CTNND2: variants seen among roughly 807,000 people sequenced by gnomAD.
The protein encoded by CTNND2 is catenin delta 2.
In CTNND2, 22 loss-of-function variants were observed where a neutral mutation model predicts 144.4. The observed-to-expected ratio is 0.15, with a 90% CI of 0.11 to 0.22. CTNND2 has a LOEUF of 0.22. CTNND2 is among the 10% of genes least tolerant of loss of function. CTNND2 has a pLI of 1.00. For missense variants in CTNND2, 1,353 were observed against 1,618.8 expected, an observed-to-expected ratio of 0.84 and a Z score of 2.82; for synonymous variants, 751 against 695.6, an observed-to-expected ratio of 1.08 and a Z score of -1.25.
chr5:11,204,673 T>C (rs1245111440), intron 10 of CTNND2, among the ~76,000 whole-genome samples: 1 of 152,198 alleles, frequency 6.6e-6, no homozygotes, highest in African/African-American at 2.4e-5. Context: ...ATGAGTAATT[T>C]ATAGCATATT....
intron 9 of CTNND2, among the ~76,000 whole-genome samples, chr5:11,292,534 A>G (rs746634785): frequency 2.0e-5 from 3 of 151,754 alleles, no homozygotes; most frequent in African/African-American, 4.9e-5. Context: ...CATGATAGTG[A>G]GTGAATTCTC....
At chr5:11,301,678 G>A (rs1476629051) in intron 9 of CTNND2, among the ~76,000 whole-genome samples, 3 of 152,198 alleles carry the variant, frequency 2.0e-5, no homozygotes, top group East Asian at 1.9e-4. Flanking sequence ...ATATAAGGAC[G>A]GTTTGCAAGC....
chr5:11,716,161 G>C (rs887952007), intron 2 of CTNND2, among the ~76,000 whole-genome samples: 1 of 152,212 alleles, frequency 6.6e-6, no homozygotes, highest in African/African-American at 2.4e-5. Flanking sequence ...CCACTCATAA[G>C]GGGTTTCCCA....
At chr5:11,284,467 T>C (rs890332851) in intron 9 of CTNND2, among the ~76,000 whole-genome samples, 6 of 152,112 alleles carry the variant, frequency 3.9e-5, no homozygotes, top group Non-Finnish European at 1.5e-5. Context: ...CCTGTGTCCA[T>C]GTGTTCTCAT....
Position 11,022,907 on chromosome 5 carries a change from G to T in CTNND2, c.2861C>A (p.Ala954Asp). The change falls in exon 17 of 22, where the codon GCC becomes GAC. Residue 954 changes from alanine to aspartate, a missense_variant. Physicochemically the swap from Ala to Asp is moderately radical, Grantham distance 126. Coordinates refer to ENST00000304623, the MANE Select transcript of CTNND2 (RefSeq NM_001332.4). ...AGCTGTCACTGTGTCATCCGACATG[G>T]CCTTGCTTGCAGTGTTGTTGCTGTT... ...GNNSNNTASK[A>D]MSDDTVTAVC... 1 of 1,614,212 alleles carries T rather than the reference G, an allele frequency of 6.2e-7. No individual in the cohort carries two copies. Among genetic ancestry groups the T allele is most frequent in the Non-Finnish European group, 8.5e-7 (1 of 1,180,030 alleles).
At chr5:11,202,792 T>C (rs1235109434) in intron 10 of CTNND2, among the ~76,000 whole-genome samples, 1 of 151,902 alleles carries the variant, frequency 6.6e-6, no homozygotes, top group Non-Finnish European at 1.5e-5. Flanking sequence ...CTCCAATTTC[T>C]TTTTTTTCTT....
At chr5:11,145,375 C>T (rs1207994797) in intron 12 of CTNND2, among the ~76,000 whole-genome samples, 1 of 152,082 alleles carries the variant, frequency 6.6e-6, no homozygotes, top group Non-Finnish European at 1.5e-5. Context: ...CTGGCCAATC[C>T]CTCTTTACAG....
intron 11 of CTNND2, among the ~76,000 whole-genome samples, chr5:11,178,200 C>G (rs1459353963): frequency 1.3e-5 from 2 of 152,168 alleles, no homozygotes; most frequent in Non-Finnish European, 2.9e-5. Context: ...ACACATTAAG[C>G]AAGTCTTACT....
intron 1 of CTNND2, among the ~76,000 whole-genome samples, chr5:11,830,879 A>G (rs924326270): frequency 1.3e-5 from 2 of 152,228 alleles, no homozygotes; most frequent in African/African-American, 4.8e-5. Flanking sequence ...ATGTAGAAAA[A>G]TCTATTTTTA....
chr5:11,113,164 C>CA (rs925771037), intron 13 of CTNND2, among the ~76,000 whole-genome samples: 24 of 151,642 alleles, frequency 1.6e-4, no homozygotes, highest in African/African-American at 4.1e-4. Flanking sequence ...AAAAAACAAG[C>CA]AAAAAAAACA....
chr5:11,868,753 C>T (rs1394671483), intron 1 of CTNND2, among the ~76,000 whole-genome samples: 1 of 152,014 alleles, frequency 6.6e-6, no homozygotes, highest in Non-Finnish European at 1.5e-5. Flanking sequence ...GGAAAAAAGA[C>T]CTGAGCTAGC....
intron 3 of CTNND2, among the ~76,000 whole-genome samples, chr5:11,481,780 G>T (rs866403593): frequency 1.3e-5 from 2 of 151,998 alleles, no homozygotes; most frequent in African/African-American, 4.8e-5. Flanking sequence ...TGTGAACTGG[G>T]TTGGGAAAAA....
At chr5:11,102,904 A>C (rs1054856899) in intron 14 of CTNND2, among the ~76,000 whole-genome samples, 1 of 151,840 alleles carries the variant, frequency 6.6e-6, no homozygotes, top group East Asian at 1.9e-4. Context: ...AAAAGGAAAA[A>C]AGCCTTTCTT....
intron 9 of CTNND2, among the ~76,000 whole-genome samples, chr5:11,303,468 A>G (rs900510843): frequency 6.6e-6 from 1 of 152,212 alleles, no homozygotes; most frequent in Non-Finnish European, 1.5e-5. Context: ...TATAAAACAT[A>G]GATGATACTA....
intron 3 of CTNND2, among the ~76,000 whole-genome samples, chr5:11,547,004 G>C (rs757363237): frequency 1.5e-4 from 23 of 152,134 alleles, no homozygotes; most frequent in Non-Finnish European, 1.8e-4. Flanking sequence ...CAAGCACAGT[G>C]GCTCAAACCT....
chr5:11,511,576 T>C (rs1397629510), intron 3 of CTNND2, among the ~76,000 whole-genome samples: 1 of 152,194 alleles, frequency 6.6e-6, no homozygotes, highest in East Asian at 1.9e-4. Flanking sequence ...ATCTTCTAAT[T>C]TCTAGCTATG....
intron 16 of CTNND2, among the ~76,000 whole-genome samples, chr5:11,049,117 A>T (rs1330825089): frequency 6.6e-6 from 1 of 152,212 alleles, no homozygotes; most frequent in Non-Finnish European, 1.5e-5. Context: ...ACTGCTGGAA[A>T]TGGGGGAAGG....
chr5:11,553,678 G>A (rs1775971613), intron 3 of CTNND2, among the ~76,000 whole-genome samples: 1 of 152,142 alleles, frequency 6.6e-6, no homozygotes, highest in African/African-American at 2.4e-5. Flanking sequence ...CCATGTTTTG[G>A]ATCTATGAGT....
intron 9 of CTNND2, among the ~76,000 whole-genome samples, chr5:11,324,309 A>C (rs1038975097): frequency 1.3e-5 from 2 of 152,196 alleles, no homozygotes; most frequent in Non-Finnish European, 2.9e-5. Context: ...AATCTTCCCC[A>C]TCAGATTGAA....
Sources: gnomAD v4.1 joint callset for allele counts (sites outside exome capture counted in the v4.1 genomes callset) on GRCh38, gnomAD v4.1.1 for gene constraint, MANE v1.5 for transcripts, NCBI Gene and HGNC (gene_info 2026-07-23, HGNC 2026-07-21) for gene names.